Variants in CADM2 observed in about 807,000 individuals in gnomAD.
CADM2 encodes cell adhesion molecule 2.
CADM2 carries 12 observed loss-of-function variants against 49.8 expected under a neutral mutation model. The observed-to-expected ratio is 0.24, with a 90% CI of 0.15 to 0.39. CADM2 has a LOEUF of 0.39. CADM2 is among the 10% of genes least tolerant of loss of function. The pLI is 1.00. For missense variants in CADM2, 378 were observed against 492.3 expected, an observed-to-expected ratio of 0.77 and a Z score of 2.20; for synonymous variants, 214 against 175.4, an observed-to-expected ratio of 1.22 and a Z score of -1.74.
rs564227158 is a variant in CADM2, at chr3:85,887,532, TTTAA to T, written c.529+1209_529+1212del. On this transcript the variant is annotated intron_variant, in intron 5 of 9. Transcript: ENST00000383699. ...GCAATTATTTTTATCAGTTTCCTGT[TTTAA>T]TTACTCTTTCTCTGCATATTTTTCC... Among the ~76,000 whole-genome samples the T allele has an allele frequency of 2.2e-4, 34 of 152,328 alleles. No homozygotes were observed. In the South Asian group the frequency reaches 5.2e-3, roughly 23 times the overall value.
chr3:85,372,241 A>G (rs1354234331), intron 1 of CADM2, among the ~76,000 whole-genome samples: 1 of 151,994 alleles, frequency 6.6e-6, no homozygotes, highest in South Asian at 2.1e-4. Context: ...GAATGGAAAG[A>G]AGTGTTTTTA....
At chr3:85,651,930 G>A (rs1234838617) in intron 1 of CADM2, among the ~76,000 whole-genome samples, 2 of 145,686 alleles carry the variant, frequency 1.4e-5, no homozygotes, top group Admixed American at 7.0e-5. Flanking sequence ...CCATTCTCTT[G>A]CCTTAGCCTC....
chr3:85,693,629 T>A (rs1283631806), intron 1 of CADM2, among the ~76,000 whole-genome samples: 1 of 143,432 alleles, frequency 7.0e-6, no homozygotes, highest in Non-Finnish European at 1.5e-5. Flanking sequence ...GGCTCACGCC[T>A]GTAATCCCAG....
At chr3:85,327,942 C>T (rs754845455) in intron 1 of CADM2, among the ~76,000 whole-genome samples, 14 of 152,230 alleles carry the variant, frequency 9.2e-5, no homozygotes, top group Non-Finnish European at 1.8e-4. Flanking sequence ...AACAGCTAAA[C>T]CTTAAACATA....
At chr3:85,857,798 C>T (rs1465906243) in intron 3 of CADM2, among the ~76,000 whole-genome samples, 1 of 152,058 alleles carries the variant, frequency 6.6e-6, no homozygotes, top group African/African-American at 2.4e-5. Flanking sequence ...TAAAATAGTT[C>T]AAATTTAATT....
chr3:85,940,175 A>G (rs1329847414), intron 7 of CADM2, among the ~76,000 whole-genome samples: 2 of 137,286 alleles, frequency 1.5e-5, no homozygotes, highest in Non-Finnish European at 3.0e-5. Context: ...AAAAAAAAAA[A>G]AAAAAAAAAA....
intron 1 of CADM2, among the ~76,000 whole-genome samples, chr3:85,191,806 T>C (rs1245399322): frequency 2.6e-5 from 4 of 152,186 alleles, no homozygotes; most frequent in Non-Finnish European, 5.9e-5. Flanking sequence ...AGTCATCAGA[T>C]ACAATGTTTT....
At chr3:84,967,958 G>A (rs967690213) in intron 1 of CADM2, among the ~76,000 whole-genome samples, 1 of 151,996 alleles carries the variant, frequency 6.6e-6, no homozygotes, top group African/African-American at 2.4e-5. Flanking sequence ...GCCTGGCAAA[G>A]CTGCCTAAAT....
rs1291519692 is a variant in CADM2, at chr3:85,693,414, A to G, written c.62-33108A>G. 2.7e-5 allele frequency among the ~76,000 whole-genome samples: 4 copies of G among 149,296 alleles called. No individual in the cohort carries two copies. The East Asian group carries it at 6.1e-4, about 23-fold the overall frequency. ...GCTAACAGGGTGAAACCCCGTCTCT[A>G]CTAAAAATACAAAAAATTAGCCGGG... is the stretch of plus-strand genomic sequence containing the variant. On this transcript the variant is annotated intron_variant, in intron 1 of 9. Transcript: ENST00000383699.
rs1286962271 is a variant in CADM2, at chr3:85,872,912, C to T, written c.239-10379C>T. On this transcript the variant is annotated intron_variant, in intron 3 of 9. Transcript: ENST00000383699. ...TTTGAATGTCATGAATTTTTTTATA[C>T]ATTGACTGTCTTAGTCTATTGCATG... Among the ~76,000 whole-genome samples, 10 of 152,148 alleles carry T rather than the reference C, an allele frequency of 6.6e-5. No individual in the cohort carries two copies. The East Asian group carries it at 1.7e-3, about 26-fold the overall frequency.
chr3:85,815,317 C>A (rs188309739), intron 3 of CADM2, among the ~76,000 whole-genome samples: 1 of 152,230 alleles, frequency 6.6e-6, no homozygotes, highest in African/African-American at 2.4e-5. Flanking sequence ...GGCCAATATC[C>A]CTGATGAACA....
intron 1 of CADM2, among the ~76,000 whole-genome samples, chr3:85,066,415 T>G (rs1315747651): frequency 6.6e-6 from 1 of 151,930 alleles, no homozygotes; most frequent in Non-Finnish European, 1.5e-5. Context: ...GCTATGATAT[T>G]CAGTCATATT....
intron 1 of CADM2, among the ~76,000 whole-genome samples, chr3:85,116,118 A>G (rs1336279372): frequency 2.6e-5 from 4 of 152,118 alleles, no homozygotes; most frequent in Non-Finnish European, 5.9e-5. Context: ...CTTGAGGTCA[A>G]GAGTTTGAGA....
intron 1 of CADM2, among the ~76,000 whole-genome samples, chr3:85,448,057 C>T (rs2037553705): frequency 6.6e-6 from 1 of 152,182 alleles, no homozygotes; most frequent in African/African-American, 2.4e-5. Context: ...ATAGGCCGGC[C>T]GCTGTGGGTC....
intron 1 of CADM2, among the ~76,000 whole-genome samples, chr3:85,490,450 G>A (rs2039624855): frequency 6.6e-6 from 1 of 151,966 alleles, no homozygotes; most frequent in Admixed American, 6.6e-5. Context: ...TGGGTGTGGT[G>A]GCTTACACCT....
chr3:86,007,013 C>T (rs1452370704), intron 8 of CADM2, among the ~76,000 whole-genome samples: 8 of 151,984 alleles, frequency 5.3e-5, no homozygotes, highest in Non-Finnish European at 1.2e-4. Flanking sequence ...GCACTCCAGC[C>T]TGGGTGACAG....
At chr3:85,970,184 CTG>C (rs1227793425) in intron 8 of CADM2, among the ~76,000 whole-genome samples, 1 of 150,184 alleles carries the variant, frequency 6.7e-6, no homozygotes, top group Admixed American at 6.7e-5. Flanking sequence ...ACATAAATAA[CTG>C]TGCATAGATT....
intron 1 of CADM2, among the ~76,000 whole-genome samples, chr3:85,359,413 A>G (rs1361706252): frequency 6.6e-6 from 1 of 151,574 alleles, no homozygotes; most frequent in Non-Finnish European, 1.5e-5. Flanking sequence ...TGTGTACAGA[A>G]TGGAAATAAA....
intron 2 of CADM2, among the ~76,000 whole-genome samples, chr3:85,774,969 C>T (rs1041035988): frequency 5.3e-5 from 8 of 151,684 alleles, no homozygotes; most frequent in African/African-American, 1.9e-4. Flanking sequence ...TACATGCACA[C>T]ACATAATTTC....
Sources: gnomAD v4.1 joint callset for allele counts (sites outside exome capture counted in the v4.1 genomes callset) on GRCh38, gnomAD v4.1.1 for gene constraint, MANE v1.5 for transcripts, NCBI Gene and HGNC (gene_info 2026-07-23, HGNC 2026-07-21) for gene names.